DNAI7: variants seen among roughly 807,000 people sequenced by gnomAD.
DNAI7 encodes cancer susceptibility 1.
DNAI7 carries 78 observed loss-of-function variants against 86.6 expected under a neutral mutation model. The observed-to-expected ratio is 0.90, with a 90% confidence interval of 0.75 to 1.09. The LOEUF (loss-of-function observed/expected upper bound fraction) is 1.09, where lower values mean the gene tolerates loss of function less well. DNAI7 is among the 50% of genes least tolerant of loss of function. The probability of loss-of-function intolerance (pLI) is 0.00; values close to 1 mark genes in which losing one functional copy is unlikely to be tolerated. For synonymous variants in DNAI7, 274 were observed against 273.0 expected, an observed-to-expected ratio of 1.00 and a Z score of -0.04; for missense variants, 753 against 810.2, an observed-to-expected ratio of 0.93 and a Z score of 0.86.
At chr12:25,157,790 C>A (rs7308865) in intron 4 of DNAI7, among the ~76,000 whole-genome samples, 45,146 of 151,402 alleles carry the variant, frequency 0.3, 7,402 homozygotes, top group Non-Finnish European at 0.36. Context: ...TCTAGTGAAA[C>A]AGAGAAGTGA....
At chr12:25,175,639 C>T (rs748138889) in intron 2 of DNAI7, among the ~76,000 whole-genome samples, 9 of 150,910 alleles carry the variant, frequency 6.0e-5, no homozygotes, top group Admixed American at 1.3e-4. Flanking sequence ...TGAGCCACTG[C>T]GCCCGGCTCT....
chr12:25,108,050 C>T (rs1949336394), downstream of DNAI7: 4 of 1,613,510 alleles, frequency 2.5e-6, no homozygotes, highest in African/African-American at 1.3e-5. Context: ...AATGGGCCAC[C>T]ACCAGTGTGA....
chr12:25,111,520 A>C (rs1938813986), intron 14 of DNAI7, among the ~76,000 whole-genome samples: 1 of 152,202 alleles, frequency 6.6e-6, no homozygotes, highest in African/African-American at 2.4e-5. Flanking sequence ...AGAATTGCTT[A>C]AACTACCTTT....
At position 25,108,492 on chromosome 12, in the gene DNAI7, CCTGT is replaced by C; in HGVS notation, c.*52_*55del. ...CTCATTACATTGTGTTGCAGAAATA[CCTGT>C]CTTTCACCATGCTTGGTTCTTCATA... is the stretch of plus-strand genomic sequence containing the variant. On this transcript the variant is annotated 3_prime_UTR_variant, in exon 16 of 16. Transcript: ENST00000395987. 1 of 1,442,604 alleles carries C rather than the reference CCTGT, an allele frequency of 6.9e-7. No individual in the cohort carries two copies. Among genetic ancestry groups the C allele is most frequent in the Non-Finnish European group, 9.4e-7 (1 of 1,059,042 alleles). The allele number at this position is 1,442,604 out of a possible 1,614,324, so 89.4% of individuals were successfully genotyped here.
intron 2 of DNAI7, among the ~76,000 whole-genome samples, chr12:25,176,676 C>T (rs977251967): frequency 1.3e-5 from 2 of 151,726 alleles, no homozygotes; most frequent in Non-Finnish European, 2.9e-5. Context: ...CCTCCTATGC[C>T]AAAAATTATA....
chr12:25,163,912 C>T lies in DNAI7; in HGVS notation c.22-2715G>A, dbSNP rs148536793. Among the ~76,000 whole-genome samples, 527 of 152,266 alleles carry T rather than the reference C, an allele frequency of 3.5e-3. 3 individuals carry two copies. Among genetic ancestry groups the T allele is most frequent in the Middle Eastern group, 0.02 (6 of 294 alleles). The stretch of plus-strand genomic sequence containing the variant: ...TCTTTTCTAGTAGAGACAAAGGAGA[C>T]GCGTTTTATCCATTGACCCAAAACT... On this transcript the variant is annotated intron_variant, in intron 2 of 15. Coordinates refer to ENST00000395987, the MANE Select transcript of DNAI7 (RefSeq NM_018272.5).
chr12:25,127,801 G>T (rs1025754940), intron 9 of DNAI7, among the ~76,000 whole-genome samples: 1 of 152,032 alleles, frequency 6.6e-6, no homozygotes, highest in Admixed American at 6.5e-5. Context: ...ATCATTAATA[G>T]GTGGATCAAT....
intron 8 of DNAI7, among the ~76,000 whole-genome samples, chr12:25,145,554 T>TGAGAAAGGTTGTTACAATGAGAAAGAA (rs1463141071): frequency 2.6e-5 from 4 of 152,244 alleles, no homozygotes; most frequent in African/African-American, 9.6e-5. Context: ...GAAAGGTTAC[T>TGAGAAAGGTTGTTACAATGAGAAAGAA]ATATTGTCTC....
chr12:25,113,938 G>GTTT (rs112532652), intron 13 of DNAI7, among the ~76,000 whole-genome samples: 8,907 of 81,156 alleles, frequency 0.11, 1,576 homozygotes, highest in African/African-American at 0.33. Flanking sequence ...TTCTTTCTGG[G>GTTT]TTTTTTTTTT....
intron 3 of DNAI7, among the ~76,000 whole-genome samples, chr12:25,159,817 C>A (rs909193890): frequency 1.3e-5 from 2 of 152,090 alleles, no homozygotes; most frequent in African/African-American, 4.8e-5. Flanking sequence ...TAAAATTATA[C>A]ATAAAAAGTC....
At chr12:25,119,059 C>A in intron 12 of DNAI7, 86 bp downstream of exon 12, 3 of 1,029,646 alleles carry the variant, frequency 2.9e-6, no homozygotes, top group South Asian at 2.0e-5. Flanking sequence ...AGATAGTAAG[C>A]TCAGTTAATA....
chr12:25,150,400 C>G (rs536571782), intron 6 of DNAI7, among the ~76,000 whole-genome samples: 3 of 151,862 alleles, frequency 2.0e-5, no homozygotes, highest in South Asian at 2.1e-4. Context: ...GTCAGGAGAT[C>G]AAGACTATCC....
At chr12:25,162,470 C>T (rs372613276) in intron 2 of DNAI7, among the ~76,000 whole-genome samples, 6 of 152,284 alleles carry the variant, frequency 3.9e-5, no homozygotes, top group South Asian at 2.1e-4. Flanking sequence ...TCTGTGATAA[C>T]GACCTCTCCT....
intron 10 of DNAI7, among the ~76,000 whole-genome samples, chr12:25,122,394 C>T (rs1242855202): frequency 2.2e-5 from 3 of 134,456 alleles, no homozygotes; most frequent in Non-Finnish European, 3.0e-5. Flanking sequence ...GCAGTTGAGG[C>T]TGCAGTGAGC....
intron 2 of DNAI7, among the ~76,000 whole-genome samples, chr12:25,163,274 A>G (rs1947039318): frequency 6.6e-6 from 1 of 152,192 alleles, no homozygotes. Flanking sequence ...GTACACATCT[A>G]GATGGCCGGT....
At chr12:25,125,394 G>T (rs1038242590) in intron 9 of DNAI7, among the ~76,000 whole-genome samples, 2 of 152,062 alleles carry the variant, frequency 1.3e-5, no homozygotes, top group Admixed American at 1.3e-4. Flanking sequence ...CTTTTCATAT[G>T]CTTCTAGGCC....
intron 3 of DNAI7, among the ~76,000 whole-genome samples, chr12:25,159,419 T>C (rs1330059790): frequency 1.3e-5 from 2 of 150,280 alleles, no homozygotes; most frequent in African/African-American, 4.9e-5. Context: ...CAAATTCCCA[T>C]TTCCCAAAAA....
intron 12 of DNAI7, among the ~76,000 whole-genome samples, chr12:25,117,623 T>C (rs1940390991): frequency 6.6e-6 from 1 of 152,196 alleles, no homozygotes; most frequent in Non-Finnish European, 1.5e-5. Flanking sequence ...AGGTATTTGT[T>C]AATGATTAAC....
intron 1 of DNAI7, chr12:25,194,833 G>A: frequency 6.4e-7 from 1 of 1,563,832 alleles, no homozygotes; most frequent in Non-Finnish European, 8.8e-7. Flanking sequence ...TCAGGATACC[G>A]TGTGACAGCT....
Sources: gnomAD v4.1 joint callset for allele counts (sites outside exome capture counted in the v4.1 genomes callset) on GRCh38, gnomAD v4.1.1 for gene constraint, MANE v1.5 for transcripts, NCBI Gene and HGNC (gene_info 2026-07-23, HGNC 2026-07-21) for gene names.